DLG2: variants seen among roughly 807,000 people sequenced by gnomAD.
The protein encoded by DLG2 is disks large homolog 2.
A neutral mutation model predicts 132.5 loss-of-function variants in DLG2; 45 were observed. The ratio of observed to expected loss-of-function variants is 0.34; its 90% CI spans 0.27 to 0.44. The LOEUF is 0.44. DLG2 is among the 20% of genes least tolerant of loss of function. DLG2 has a pLI of 1.00. For synonymous variants in DLG2, 424 were observed against 419.6 expected, an observed-to-expected ratio of 1.01 and a Z score of -0.13; for missense variants, 1,045 against 1,196.9, an observed-to-expected ratio of 0.87 and a Z score of 1.87.
intron 6 of DLG2, among the ~76,000 whole-genome samples, chr11:84,703,191 C>A (rs974087828): frequency 6.6e-6 from 1 of 151,608 alleles, no homozygotes; most frequent in Non-Finnish European, 1.5e-5. Context: ...TGTTCCTATG[C>A]TTAGATTAAT....
chr11:85,197,416 C>T (rs753670560), intron 4 of DLG2, among the ~76,000 whole-genome samples: 48 of 152,088 alleles, frequency 3.2e-4, no homozygotes, highest in Non-Finnish European at 6.2e-4. Flanking sequence ...GACATTCTGT[C>T]ACTTGACCAT....
intron 6 of DLG2, among the ~76,000 whole-genome samples, chr11:85,098,769 A>T (rs557751819): frequency 6.6e-6 from 1 of 152,238 alleles, no homozygotes; most frequent in African/African-American, 2.4e-5. Flanking sequence ...CCATAGGTTG[A>T]TAGGTTTAGC....
intron 4 of DLG2, among the ~76,000 whole-genome samples, chr11:85,201,988 A>C (rs1456456605): frequency 1.3e-5 from 2 of 152,140 alleles, no homozygotes; most frequent in African/African-American, 4.8e-5. Flanking sequence ...ACAGAAGAAT[A>C]AATGAGCTTA....
At chr11:84,170,352 T>C (rs574049059) in intron 8 of DLG2, among the ~76,000 whole-genome samples, 1 of 152,198 alleles carries the variant, frequency 6.6e-6, no homozygotes, top group Non-Finnish European at 1.5e-5. Flanking sequence ...GTACCTATCA[T>C]GTACTTGGTA....
intron 4 of DLG2, among the ~76,000 whole-genome samples, chr11:85,187,494 C>T (rs1467619266): frequency 9.9e-5 from 15 of 151,284 alleles, no homozygotes; most frequent in Admixed American, 8.5e-4. Context: ...AAAAATATAT[C>T]GAATTAGAAA....
intron 4 of DLG2, among the ~76,000 whole-genome samples, chr11:85,209,311 T>C (rs893038404): frequency 7.2e-5 from 11 of 152,190 alleles, no homozygotes; most frequent in African/African-American, 2.6e-4. Flanking sequence ...TTTAGCAACC[T>C]GCCCCAGTAT....
chr11:84,226,883 C>T (rs975945594), intron 8 of DLG2, among the ~76,000 whole-genome samples: 2 of 151,880 alleles, frequency 1.3e-5, no homozygotes, highest in Non-Finnish European at 2.9e-5. Context: ...GTCAGGAGAT[C>T]GAGACCATCC....
intron 6 of DLG2, among the ~76,000 whole-genome samples, chr11:84,792,273 G>T (rs1475712629): frequency 2.0e-5 from 3 of 152,004 alleles, no homozygotes; most frequent in African/African-American, 7.3e-5. Flanking sequence ...TGTGTCACTG[G>T]GATAAATCCC....
chr11:83,814,889 C>G (rs1313074462), intron 17 of DLG2: 1 of 229,490 alleles, frequency 4.4e-6, no homozygotes, highest in Non-Finnish European at 9.7e-6. Context: ...CAAAGATCCA[C>G]CCATGGCAGC....
chr11:83,505,468 C>A (rs1374712879), intron 21 of DLG2, among the ~76,000 whole-genome samples: 1 of 152,166 alleles, frequency 6.6e-6, no homozygotes, highest in Non-Finnish European at 1.5e-5. Flanking sequence ...ACAGGTCATC[C>A]TATATACTTG....
intron 6 of DLG2, among the ~76,000 whole-genome samples, chr11:85,030,321 C>T (rs1273235232): frequency 6.6e-6 from 1 of 152,168 alleles, no homozygotes; most frequent in African/African-American, 2.4e-5. Context: ...TGACTATTGA[C>T]TCTTTTATCC....
intron 5 of DLG2, among the ~76,000 whole-genome samples, chr11:85,123,280 A>T (rs1281483185): frequency 6.6e-6 from 1 of 151,810 alleles, no homozygotes; most frequent in Non-Finnish European, 1.5e-5. Flanking sequence ...CCCGGCCTGT[A>T]TGTATATTTT....
chr11:84,994,344 CA>C lies in DLG2; in HGVS notation c.357+117316del, dbSNP rs2057428895. On this transcript the variant is annotated intron_variant, in intron 6 of 27. Transcript: ENST00000376104. ...ACTTCAAGTGGGATCATTCCTGTAA[CA>C]CCAGAATTATGGCTATATATTAAAT... Among the ~76,000 whole-genome samples the C allele has an allele frequency of 2.0e-5, 3 of 152,134 alleles. No individual in the cohort carries two copies. In the South Asian group the frequency reaches 6.2e-4, roughly 32 times the overall value.
rs1555073566 is a variant in DLG2 at position 84,591,223 on chromosome 11, C to CTCTG, written c.358-56493_358-56492insCAGA. Among the ~76,000 whole-genome samples the CTCTG allele has an allele frequency of 9.8e-3, 1,361 of 139,280 alleles. 11 individuals are homozygous for CTCTG. Among genetic ancestry groups the CTCTG allele is most frequent in the Non-Finnish European group, 0.015 (998 of 65,634 alleles). 91.4% of individuals were successfully genotyped at this position (139,280 alleles called of 152,430 possible). ...TAAACACTGCTATATATGTGTCTCT[C>CTCTG]TGTGTGTGTGTGTGTGTGTGTGTGT... On this transcript the variant is annotated intron_variant, in intron 6 of 27. Transcript: ENST00000376104.
At chr11:84,484,482 G>A (rs985832252) in intron 7 of DLG2, among the ~76,000 whole-genome samples, 6 of 152,186 alleles carry the variant, frequency 3.9e-5, no homozygotes, top group African/African-American at 1.4e-4. Flanking sequence ...CAGGTAAGCT[G>A]AGGGTTATCA....
At chr11:85,061,149 T>C (rs1296274642) in intron 6 of DLG2, among the ~76,000 whole-genome samples, 1 of 151,868 alleles carries the variant, frequency 6.6e-6, no homozygotes, top group East Asian at 1.9e-4. Context: ...TGATGTGATT[T>C]GTAGATATTT....
At chr11:85,490,736 C>T (rs983098358) in intron 3 of DLG2, among the ~76,000 whole-genome samples, 1 of 151,912 alleles carries the variant, frequency 6.6e-6, no homozygotes, top group African/African-American at 2.4e-5. Context: ...ATACAACCTC[C>T]CCAGATTCAA....
At chr11:85,348,066 AT>A (rs2082992760) in intron 3 of DLG2, among the ~76,000 whole-genome samples, 1 of 131,498 alleles carries the variant, frequency 7.6e-6, no homozygotes, top group Non-Finnish European at 1.5e-5. Context: ...GCTCACTGCA[AT>A]TTCCGCCTCC....
At chr11:83,759,267 G>C (rs1014001651) in intron 18 of DLG2, among the ~76,000 whole-genome samples, 2 of 152,184 alleles carry the variant, frequency 1.3e-5, no homozygotes, top group African/African-American at 4.8e-5. Flanking sequence ...TGTATGAGTT[G>C]ATTGCAAAAT....
Sources: allele counts gnomAD v4.1 joint callset (sites outside exome capture counted in the v4.1 genomes callset), GRCh38; gene constraint gnomAD v4.1.1; transcripts MANE v1.5; gene names NCBI Gene and HGNC (gene_info 2026-07-23, HGNC 2026-07-21).